Variants in GFRA1 observed in about 807,000 individuals in gnomAD.
GFRA1 encodes the protein GDNF family receptor alpha 1, also known as GDNF family receptor alpha-1.
Under a neutral mutation model 51.6 loss-of-function variants are expected in GFRA1, and 16 were observed. The ratio of observed to expected loss-of-function variants is 0.31; its 90% CI spans 0.21 to 0.47. The LOEUF (loss-of-function observed/expected upper bound fraction) is 0.47. Among genes scored for constraint, GFRA1 ranks in the 20% least tolerant of loss-of-function variants. GFRA1 has a pLI of 1.00. For synonymous variants in GFRA1, 270 were observed against 241.3 expected (o/e 1.12, Z -1.10); for missense variants, 530 against 594.3 (o/e 0.89, Z 1.13).
chr10:116,271,170 C>G, intron 2 of GFRA1, 55 bp from the exon 3 acceptor site: 1 of 1,504,900 alleles, frequency 6.6e-7, no homozygotes, highest in Non-Finnish European at 9.0e-7. Flanking sequence ...CCCGGCCGCC[C>G]CTGCTCCGGG....
At chr10:116,088,230 G>A (rs1956177076) in intron 9 of GFRA1, among the ~76,000 whole-genome samples, 1 of 152,106 alleles carries the variant, frequency 6.6e-6, no homozygotes. Flanking sequence ...AGTGGGTTGT[G>A]GGTCAAGCTA....
At chr10:116,107,666 T>A (rs1231876224) in intron 6 of GFRA1, among the ~76,000 whole-genome samples, 1 of 152,166 alleles carries the variant, frequency 6.6e-6, no homozygotes, top group East Asian at 1.9e-4. Flanking sequence ...AATTGAAGCA[T>A]CAAGCCTGTG....
At chr10:116,107,509 A>T (rs2694796) in intron 6 of GFRA1, among the ~76,000 whole-genome samples, 26,316 of 152,128 alleles carry the variant, frequency 0.17, 2,310 homozygotes, top group East Asian at 0.22. Flanking sequence ...AAGAGAAATT[A>T]CTCCTGTGAG....
chr10:116,119,850 G>A (rs930469215), intron 6 of GFRA1, among the ~76,000 whole-genome samples: 17 of 152,250 alleles, frequency 1.1e-4, no homozygotes, highest in Admixed American at 5.2e-4. Context: ...TTTATGACAC[G>A]TTCCCCAGTT....
At chr10:116,082,887 C>A (rs1170700614) in intron 9 of GFRA1, among the ~76,000 whole-genome samples, 1 of 152,184 alleles carries the variant, frequency 6.6e-6, no homozygotes, top group East Asian at 1.9e-4. Flanking sequence ...CTGGCCCCAG[C>A]CTCCTGTGTC....
chr10:116,110,123 A>T (rs961625945), intron 6 of GFRA1, among the ~76,000 whole-genome samples: 2 of 152,212 alleles, frequency 1.3e-5, no homozygotes, highest in Non-Finnish European at 2.9e-5. Flanking sequence ...AGAGGGGTCA[A>T]GTGCAGAGGA....
At chr10:116,164,120 C>CTCCAATGTCGCAT (rs1322281541) in intron 5 of GFRA1, among the ~76,000 whole-genome samples, 3 of 152,184 alleles carry the variant, frequency 2.0e-5, no homozygotes, top group African/African-American at 7.2e-5. Context: ...TCGCACAGGC[C>CTCCAATGTCGCAT]CTGCTTGCCA....
intron 4 of GFRA1, among the ~76,000 whole-genome samples, chr10:116,216,728 C>T (rs746294895): frequency 6.6e-6 from 1 of 152,134 alleles, no homozygotes; most frequent in South Asian, 2.1e-4. Flanking sequence ...AGCTGTCTTG[C>T]GAGTCCTCCT....
Position 116,079,292 on chromosome 10 carries a change from C to T in GFRA1, c.1197+10449G>A, listed in dbSNP as rs1056866765. On this transcript the variant is annotated intron_variant, in intron 9 of 10. Transcript: ENST00000355422. ...TCTGTTGCTTAAGCCGCCCAGTCTA[C>T]AGTATTTTGTTATGACAGCCCAAAT... Among the ~76,000 whole-genome samples, 18 of 152,118 alleles carry T rather than the reference C, an allele frequency of 1.2e-4. 1 individual carries two copies. Among genetic ancestry groups the T allele is most frequent in the Admixed American group, 1.2e-3 (18 of 15,262 alleles).
chr10:116,221,875 T>C (rs1356817535), intron 4 of GFRA1, among the ~76,000 whole-genome samples: 1 of 152,208 alleles, frequency 6.6e-6, no homozygotes, highest in African/African-American at 2.4e-5. Flanking sequence ...ACAAATTCTC[T>C]TTCTAAAATA....
chr10:116,165,201 G>A (rs1040953219), intron 5 of GFRA1, among the ~76,000 whole-genome samples: 5 of 152,044 alleles, frequency 3.3e-5, no homozygotes, highest in East Asian at 1.9e-4. Context: ...CCTTTAACAC[G>A]TCCTAGTCCC....
At chr10:116,216,769 T>C (rs1159195863) in intron 4 of GFRA1, among the ~76,000 whole-genome samples, 3 of 152,150 alleles carry the variant, frequency 2.0e-5, no homozygotes, top group Non-Finnish European at 2.9e-5. Flanking sequence ...AAAATTCTCT[T>C]TCAAGTACAA....
intron 4 of GFRA1, among the ~76,000 whole-genome samples, chr10:116,245,602 G>T (rs1364042631): frequency 6.6e-6 from 1 of 152,194 alleles, no homozygotes; most frequent in African/African-American, 2.4e-5. Context: ...GAGTTGAAAA[G>T]TTAGGTCCAC....
intron 5 of GFRA1, among the ~76,000 whole-genome samples, chr10:116,133,744 G>A (rs1037280249): frequency 6.6e-6 from 1 of 152,264 alleles, no homozygotes; most frequent in Non-Finnish European, 1.5e-5. Context: ...GCGGTCTGCG[G>A]CTCCAAAGGA....
At position 116,089,915 on chromosome 10, in the gene GFRA1, T is replaced by A. The variant is rs1283658431; in HGVS notation, c.1023A>T (p.Ala341=). 1.9e-6 allele frequency: 3 copies of A among 1,612,168 alleles called. No individual in the cohort carries two copies. The highest frequency in any genetic ancestry group is 2.2e-5 in the South Asian group (2 of 90,866). Residue 341 remains alanine, a synonymous_variant, in exon 9 of 11, where the codon GCA becomes GCT. Transcript: ENST00000355422. ...CGGAGCCATTGCCAAAGGCTTGAATTGCATTTTCTGCAGTAAAACAGGAGG... is the reference window on the plus strand; with the variant it reads ...CGGAGCCATTGCCAAAGGCTTGAATAGCATTTTCTGCAGTAAAACAGGAGG... ...FFKDNTCLKN[A]IQAFGNGSDV... is the part of the protein sequence containing the mutation.
chr10:116,219,882 G>A (rs1965806651), intron 4 of GFRA1, among the ~76,000 whole-genome samples: 1 of 152,156 alleles, frequency 6.6e-6, no homozygotes, highest in Non-Finnish European at 1.5e-5. Context: ...AAACACAGTT[G>A]TCTAAACATC....
In GFRA1 at chr10:116,065,611, A is replaced by G. The variant is rs1451409750; in HGVS notation, c.1213T>C (p.Ser405Pro). 3.7e-6 allele frequency: 6 copies of G among 1,613,464 alleles called. No homozygotes were observed. The highest frequency in any genetic ancestry group is 5.1e-6 in the Non-Finnish European group (6 of 1,179,584). The change falls in exon 10 of 11, where the codon TCC becomes CCC. Residue 405 changes from serine to proline, a missense_variant. Transcript: ENST00000355422. ...AGGTGTGTATTGCCCGACACATTGG[A>G]TTTCAGCTTCTGTGCCTGGAGAGGG... Reference protein sequence around the residue: ...CANLQAQKLKSNVSGNTHLCI... With the variant: ...CANLQAQKLKPNVSGNTHLCI...
At chr10:116,071,936 C>T (rs1290360267) in intron 9 of GFRA1, among the ~76,000 whole-genome samples, 1 of 152,044 alleles carries the variant, frequency 6.6e-6, no homozygotes, top group African/African-American at 2.4e-5. Context: ...TCCTGGTCTA[C>T]AGTTCCTGGT....
At chr10:116,127,200 T>C (rs76085214) in intron 5 of GFRA1, among the ~76,000 whole-genome samples, 2,528 of 152,294 alleles carry the variant, frequency 0.017, 71 homozygotes, top group African/African-American at 0.058. Flanking sequence ...ACTGTGCCGA[T>C]TGTTATCAAT....
Sources: gnomAD v4.1 joint callset for allele counts (sites outside exome capture counted in the v4.1 genomes callset) on GRCh38, gnomAD v4.1.1 for gene constraint, MANE v1.5 for transcripts, NCBI Gene and HGNC (gene_info 2026-07-23, HGNC 2026-07-21) for gene names.